NTRK3: variants seen among roughly 807,000 people sequenced by gnomAD.
NTRK3 encodes NT-3 growth factor receptor.
Under a neutral mutation model 91.7 loss-of-function variants are expected in NTRK3, and 24 were observed. That is an observed-to-expected ratio of 0.26 (90% CI 0.19 to 0.37). NTRK3 has a LOEUF of 0.37. Ranked by LOEUF, NTRK3 falls within the 10% of genes least tolerant of loss-of-function variation. The pLI, the probability that NTRK3 is intolerant of heterozygous loss-of-function variation, is 1.00. For synonymous variants in NTRK3, 483 were observed against 404.0 expected, an observed-to-expected ratio of 1.20 and a Z score of -2.34; for missense variants, 880 against 1,068.9, an observed-to-expected ratio of 0.82 and a Z score of 2.46.
chr15:88,144,148 C>T (rs2042655463), intron 6 of NTRK3: 1 of 152,176 alleles, frequency 6.6e-6, no homozygotes, highest in Admixed American at 6.5e-5. Context: ...CAGGTCTCAT[C>T]TTCTCTGCAA....
intron 17 of NTRK3, chr15:87,916,231 T>C: frequency 3.6e-6 from 1 of 277,936 alleles, no homozygotes; most frequent in Non-Finnish European, 6.8e-6. Flanking sequence ...TGCAAATATC[T>C]TAATTACAGC....
chr15:88,087,638 G>T (rs2048628052), intron 13 of NTRK3, among the ~76,000 whole-genome samples: 1 of 152,150 alleles, frequency 6.6e-6, no homozygotes, highest in South Asian at 2.1e-4. Flanking sequence ...ACTTATGAGG[G>T]CTTCCCACAA....
At chr15:88,141,385 T>G (rs1477122195) in intron 6 of NTRK3, among the ~76,000 whole-genome samples, 1 of 152,164 alleles carries the variant, frequency 6.6e-6, no homozygotes, top group Non-Finnish European at 1.5e-5. Flanking sequence ...GAAGGCCAGA[T>G]GAGCTGCCCA....
chr15:88,075,408 C>G (rs2047450885), intron 13 of NTRK3, among the ~76,000 whole-genome samples: 1 of 152,134 alleles, frequency 6.6e-6, no homozygotes, highest in South Asian at 2.1e-4. Context: ...TTTAATTACC[C>G]AAATGTCAAG....
At chr15:88,104,120 T>G (rs1034713569) in intron 13 of NTRK3, among the ~76,000 whole-genome samples, 7 of 152,172 alleles carry the variant, frequency 4.6e-5, no homozygotes, top group Non-Finnish European at 1.0e-4. Flanking sequence ...AATACCACTT[T>G]ATAGAATATT....
intron 14 of NTRK3, among the ~76,000 whole-genome samples, chr15:87,991,629 A>G (rs1239359772): frequency 2.6e-5 from 4 of 152,164 alleles, no homozygotes; most frequent in African/African-American, 4.8e-5. Flanking sequence ...TGACAGGCCA[A>G]TTCTCTAAAG....
At chr15:87,914,784 G>A (rs2067327710) in intron 17 of NTRK3, among the ~76,000 whole-genome samples, 1 of 152,180 alleles carries the variant, frequency 6.6e-6, no homozygotes, top group Non-Finnish European at 1.5e-5. Flanking sequence ...GTTCCAAGCT[G>A]GCTGAAGAGG....
chr15:87,872,012 T>G, exon 19 of NTRK3: 1 of 221,466 alleles, frequency 4.5e-6, no homozygotes, highest in Non-Finnish European at 9.0e-6. Flanking sequence ...AAAGTGGAGC[T>G]TCAGGAGCCA....
intron 6 of NTRK3, among the ~76,000 whole-genome samples, chr15:88,138,813 G>A (rs939396789): frequency 2.0e-5 from 3 of 152,144 alleles, no homozygotes; most frequent in Non-Finnish European, 4.4e-5. Context: ...CTGTCTCCCT[G>A]AATAAAAATT....
chr15:88,104,542 C>T (rs2050504385), intron 13 of NTRK3, among the ~76,000 whole-genome samples: 1 of 152,166 alleles, frequency 6.6e-6, no homozygotes, highest in Admixed American at 6.5e-5. Context: ...CAGTGAGTTG[C>T]CCTTGACAGC....
chr15:87,860,812 A>T lies in NTRK3; in HGVS notation c.*16123T>A, dbSNP rs2064505228. On this transcript the variant is annotated 3_prime_UTR_variant, in exon 19 of 19. Transcript: ENST00000394480. ...AAGCCTGGGAGAAAAACAAACGAGCATCACGTAGGAGTATTTCTAAGTCAT... is the reference window on the plus strand; with the variant it reads ...AAGCCTGGGAGAAAAACAAACGAGCTTCACGTAGGAGTATTTCTAAGTCAT... 1.9e-5 allele frequency: 4 copies of T among 214,506 alleles called. No individual in the cohort carries two copies. The East Asian group carries it at 2.8e-4, about 15-fold the overall frequency. The allele number at this position is 214,506 out of a possible 1,614,324, so 13.3% of individuals were successfully genotyped here.
rs528313055 is a variant in NTRK3 at position 88,219,377 on chromosome 15, G to A, written c.249-35078C>T. 9.1e-4 allele frequency among the ~76,000 whole-genome samples: 139 copies of A among 152,374 alleles called. 1 individual carries two copies. Among genetic ancestry groups the A allele is most frequent in the African/African-American group, 3.2e-3 (135 of 41,590 alleles). ...CCACAGACGGGGGCCAAGAGGAGAAGTCCCAGCCAGCAGCTGGAATGCTGC... is the reference window on the plus strand; with the variant it reads ...CCACAGACGGGGGCCAAGAGGAGAAATCCCAGCCAGCAGCTGGAATGCTGC... On this transcript the variant is annotated intron_variant, in intron 3 of 18. Transcript: ENST00000394480.
chr15:88,087,914 G>A (rs2048656247), intron 13 of NTRK3, among the ~76,000 whole-genome samples: 1 of 152,130 alleles, frequency 6.6e-6, no homozygotes, highest in Non-Finnish European at 1.5e-5. Context: ...AGTCAGGCAT[G>A]GTGGCATGCC....
intron 14 of NTRK3, among the ~76,000 whole-genome samples, chr15:88,020,451 G>T (rs1454858199): frequency 6.6e-6 from 1 of 151,936 alleles, no homozygotes; most frequent in Non-Finnish European, 1.5e-5. Context: ...TCGCTGGAGG[G>T]GATTCTTTTT....
chr15:88,171,944 C>T (rs1411092174), intron 5 of NTRK3, among the ~76,000 whole-genome samples: 1 of 152,282 alleles, frequency 6.6e-6, no homozygotes, highest in Non-Finnish European at 1.5e-5. Flanking sequence ...TACCTTTCCA[C>T]AGGCATATTT....
chr15:88,191,163 C>CGTGTGTGTGTGTGTGTGTGTGTGTGTGT (rs60048541), intron 3 of NTRK3, among the ~76,000 whole-genome samples: 1 of 137,860 alleles, frequency 7.3e-6, no homozygotes, highest in African/African-American at 2.7e-5. Context: ...TGATGTTTCC[C>CGTGTGTGTGTGTGTGTGTGTGTGTGTGT]GTGTGTGTGT....
intron 13 of NTRK3, among the ~76,000 whole-genome samples, chr15:88,122,670 G>A (rs559827906): frequency 6.6e-6 from 1 of 152,238 alleles, no homozygotes; most frequent in South Asian, 2.1e-4. Flanking sequence ...TCAGAAGGAA[G>A]TAAAGCTCCT....
chr15:88,137,082 C>A (rs991742555), intron 7 of NTRK3, among the ~76,000 whole-genome samples: 2 of 152,146 alleles, frequency 1.3e-5, no homozygotes, highest in Admixed American at 6.5e-5. Flanking sequence ...AATCCAGAGA[C>A]CACATTTTGA....
intron 13 of NTRK3, among the ~76,000 whole-genome samples, chr15:88,110,948 G>A (rs921556505): frequency 1.3e-5 from 2 of 152,210 alleles, no homozygotes; most frequent in African/African-American, 4.8e-5. Flanking sequence ...GTGGCAGTGT[G>A]CAAAGAGAGA....
Sources: allele counts gnomAD v4.1 joint callset (sites outside exome capture counted in the v4.1 genomes callset), GRCh38; gene constraint gnomAD v4.1.1; transcripts MANE v1.5; gene names NCBI Gene and HGNC (gene_info 2026-07-23, HGNC 2026-07-21).